The following HEXB variants were observed in gnomAD, a reference collection of about 807,000 sequenced individuals.
HEXB encodes the protein beta-hexosaminidase subunit beta.
HEXB carries 51 observed loss-of-function variants against 71.2 expected under a neutral mutation model. The observed-to-expected ratio is 0.72, with a 90% CI of 0.57 to 0.90. HEXB has a LOEUF of 0.90. Among genes scored for constraint, HEXB ranks in the 40% least tolerant of loss-of-function variants. The pLI is 0.00. For missense variants in HEXB, 617 were observed against 677.0 expected (o/e 0.91, Z 0.98); for synonymous variants, 266 against 249.3 (o/e 1.07, Z -0.63).
In HEXB at chr5:74,713,582, T is replaced by C; in HGVS notation, c.848T>C (p.Ile283Thr). ...MVIEYARLRGIRVLPEFDTPG... is the reference protein window; with the variant it reads ...MVIEYARLRGTRVLPEFDTPG... ...ATTGAATATGCCAGATTACGAGGAA[T>C]TCGAGTCCTGCCAGAATTTGATACC... Residue 283 changes from isoleucine (I) to threonine (T), a missense_variant, in exon 7 of 14, where the codon ATT (isoleucine) becomes ACT (threonine). By Grantham distance (89) the Ile-to-Thr change is moderately conservative. Transcript: ENST00000261416. 1 of 1,613,636 alleles carries C rather than the reference T, an allele frequency of 6.2e-7. No homozygotes were observed. The highest frequency in any genetic ancestry group is 1.3e-5 in the African/African-American group (1 of 75,052).
intron 1 of HEXB, among the ~76,000 whole-genome samples, chr5:74,673,296 C>G (rs1003035891): frequency 6.6e-6 from 1 of 152,220 alleles, no homozygotes; most frequent in Non-Finnish European, 1.5e-5. Flanking sequence ...GGCACTCAAT[C>G]TCAGTTTTCA....
intron 5 of HEXB, among the ~76,000 whole-genome samples, chr5:74,700,378 AT>A (rs1294020973): frequency 6.6e-6 from 1 of 151,816 alleles, no homozygotes; most frequent in African/African-American, 2.4e-5. Context: ...TAATGTTTTA[AT>A]GTTATAGTTG....
Position 74,685,426 on chromosome 5 carries a change from C to T in HEXB, c.166C>T (p.Leu56=), listed in dbSNP as rs781190906. The T allele has an allele frequency of 1.9e-6, 3 of 1,603,192 alleles. No homozygotes were observed. The highest frequency in any genetic ancestry group is 1.3e-5 in the African/African-American group (1 of 74,510). ...PSVSAKPGPA[L]WPLPLLVKMT... ...CGTCTCGGCCAAGCCGGGGCCGGCG[C>T]TGTGGCCCCTGCCGCTCTTGGTGAA... The change falls in exon 1 of 14, where the codon CTG becomes TTG. Residue 56 remains leucine (L), a synonymous_variant. Coordinates refer to ENST00000261416, the MANE Select transcript of HEXB (RefSeq NM_000521.4).
intron 5 of HEXB, among the ~76,000 whole-genome samples, chr5:74,698,140 C>T (rs1043326753): frequency 1.3e-4 from 19 of 151,678 alleles, no homozygotes; most frequent in South Asian, 2.1e-4. Flanking sequence ...TGCAATGGCG[C>T]GATCTCGGCT....
chr5:74,684,957 G>A (rs1455610773), upstream of HEXB, among the ~76,000 whole-genome samples: 2 of 152,154 alleles, frequency 1.3e-5, no homozygotes, highest in Non-Finnish European at 2.9e-5. Context: ...GGCTACAGGC[G>A]TGAGCCACCA....
chr5:74,719,710 G>T (rs1387976241), intron 11 of HEXB, among the ~76,000 whole-genome samples: 1 of 152,116 alleles, frequency 6.6e-6, no homozygotes, highest in African/African-American at 2.4e-5. Flanking sequence ...TTGGGAGGCC[G>T]AGGCAGGTGG....
At chr5:74,713,660 T>C (rs371082895) in intron 7 of HEXB, 25 bp downstream of exon 7, 199 of 1,591,330 alleles carry the variant, frequency 1.3e-4, no homozygotes, top group Non-Finnish European at 1.8e-5. Flanking sequence ...TTTATTTCAT[T>C]TTATCTTATT....
intron 1 of HEXB, among the ~76,000 whole-genome samples, chr5:74,656,540 T>TAAAATAAAATAAAATAA (rs1245449179): frequency 9.5e-6 from 1 of 105,446 alleles, no homozygotes; most frequent in African/African-American, 5.9e-5. Context: ...TAAAATAAAA[T>TAAAATAAAATAAAATAA]AAAAGTCAGG....
intron 9 of HEXB, among the ~76,000 whole-genome samples, chr5:74,717,477 C>CATATATATATATATAT (rs57555383): frequency 2.0e-4 from 30 of 146,668 alleles, no homozygotes; most frequent in African/African-American, 2.8e-4. Context: ...CTGAAAAATG[C>CATATATATATATATAT]ATATATATAT....
At chr5:74,721,047 A>AATC in intron 13 of HEXB, 71 bp from the exon 14 acceptor site, 1 of 1,205,186 alleles carries the variant, frequency 8.3e-7, no homozygotes, top group Non-Finnish European at 1.2e-6. Flanking sequence ...CATGAATATC[A>AATC]ATCTAAAATA....
At chr5:74,718,130 A>C (rs1749720994) in intron 9 of HEXB, among the ~76,000 whole-genome samples, 161 bp from the exon 10 acceptor site, 1 of 152,228 alleles carries the variant, frequency 6.6e-6, no homozygotes, top group Non-Finnish European at 1.5e-5. Context: ...AGGAGGAACT[A>C]CTTGTGACAC....
chr5:74,693,641 A>C lies in HEXB; in HGVS notation c.448A>C (p.Thr150Pro), dbSNP rs938611392. 3 of 1,608,316 alleles carry C rather than the reference A, an allele frequency of 1.9e-6. No homozygotes were observed. Among genetic ancestry groups the C allele is most frequent in the Non-Finnish European group, 1.7e-6 (2 of 1,174,686 alleles). ...GTGATTTTAAATCCTCAATACAGATACTTTACTTGTGAAAGAACCAGTGGC... is the reference window on the plus strand; with the variant it reads ...GTGATTTTAAATCCTCAATACAGATCCTTTACTTGTGAAAGAACCAGTGGC... Reference protein sequence around the residue: ...FPNISSDESYTLLVKEPVAVL... With the variant: ...FPNISSDESYPLLVKEPVAVL... Residue 150 changes from threonine (T) to proline (P), a missense_variant and splice_region_variant, in exon 3 of 14, where the codon ACT (threonine) becomes CCT (proline). Physicochemically the swap from Thr to Pro is conservative, Grantham distance 38. Coordinates refer to ENST00000261416, the MANE Select transcript of HEXB (RefSeq NM_000521.4).
chr5:74,718,393 A>C (rs1749728225), intron 10 of HEXB, 30 bp downstream of exon 10: 1 of 1,468,496 alleles, frequency 6.8e-7, no homozygotes. Flanking sequence ...CATCTGATCA[A>C]TATAAGAGAC....
chr5:74,715,918 G>A (rs1211241427), intron 8 of HEXB, among the ~76,000 whole-genome samples: 1 of 149,136 alleles, frequency 6.7e-6, no homozygotes, highest in Non-Finnish European at 1.5e-5. Flanking sequence ...TTGGGAGGCT[G>A]AGGCAGGAGA....
upstream of HEXB, among the ~76,000 whole-genome samples, chr5:74,684,615 C>A (rs1748805385): frequency 6.6e-6 from 1 of 151,960 alleles, no homozygotes; most frequent in African/African-American, 2.4e-5. Context: ...GCGTGAGCGG[C>A]GACCCGGTGT....
rs895918173 is a variant in HEXB at position 74,641,182 on chromosome 5, G to C, written c.-377+624G>C. 2 of 152,542 alleles carry C rather than the reference G, an allele frequency of 1.3e-5. No homozygotes were observed. The allele number at this position is 152,542 out of a possible 1,614,324, so 9.4% of individuals were successfully genotyped here. ...TAAAAAGGGCTGCAAGGGGCGAGCT[G>C]GGTATCCGCAGGACAGGCCCTGGGC... On this transcript the variant is annotated intron_variant, in intron 1 of 13. Coordinates refer to the HEXB transcript ENST00000511181. The surrounding 1 kb of genome is among the most constrained non-coding windows in gnomAD (Gnocchi z 4.1).
At chr5:74,714,095 A>G (rs1428017225) in intron 7 of HEXB, among the ~76,000 whole-genome samples, 3 of 152,302 alleles carry the variant, frequency 2.0e-5, no homozygotes, top group East Asian at 3.9e-4. Context: ...TCGGCCTCCC[A>G]AAGTGTTGGG....
At position 74,685,452 on chromosome 5, in the gene HEXB, G is replaced by A. The variant is rs1353790810; in HGVS notation, c.192G>A (p.Lys64=). The A allele has an allele frequency of 2.5e-6, 4 of 1,611,800 alleles. No individual in the cohort carries two copies. Among genetic ancestry groups the A allele is most frequent in the African/African-American group, 1.3e-5 (1 of 74,796 alleles). The stretch of plus-strand genomic sequence containing the variant: ...TGTGGCCCCTGCCGCTCTTGGTGAA[G>A]ATGACCCCGAACCTGCTGCATCTCG... ...PALWPLPLLV[K]MTPNLLHLAP... is the part of the protein sequence containing the mutation. The change falls in exon 1 of 14, where the codon AAG becomes AAA. Residue 64 remains lysine, a synonymous_variant. Coordinates refer to ENST00000261416, the MANE Select transcript of HEXB (RefSeq NM_000521.4).
intron 1 of HEXB, among the ~76,000 whole-genome samples, chr5:74,676,399 C>T (rs1199662539): frequency 2.0e-5 from 3 of 152,178 alleles, no homozygotes; most frequent in Non-Finnish European, 2.9e-5. Flanking sequence ...CCCACCTCAG[C>T]TTCTGGACTG....
Sources: gnomAD v4.1 joint callset for allele counts (sites outside exome capture counted in the v4.1 genomes callset) on GRCh38, gnomAD v4.1.1 for gene constraint, Gnocchi (gnomAD v3.1) non-coding constraint, MANE v1.5 for transcripts, NCBI Gene and HGNC (gene_info 2026-07-23, HGNC 2026-07-21) for gene names.